TRPM3: variants seen among roughly 807,000 people sequenced by gnomAD.
TRPM3 encodes the protein transient receptor potential cation channel subfamily M member 3.
TRPM3 carries 77 observed loss-of-function variants against 181.2 expected under a neutral mutation model. That is an observed-to-expected ratio of 0.42 (90% CI 0.35 to 0.51). TRPM3 has a LOEUF of 0.51. TRPM3 is among the 20% of genes least tolerant of loss of function. TRPM3 has a pLI of 0.01. For missense variants in TRPM3, 1,759 were observed against 2,196.7 expected (o/e 0.80, Z 3.98); for synonymous variants, 745 against 796.4 (o/e 0.94, Z 1.09).
intron 3 of TRPM3, among the ~76,000 whole-genome samples, chr9:70,860,329 T>C (rs895481603): frequency 1.3e-5 from 2 of 152,168 alleles, no homozygotes; most frequent in Middle Eastern, 3.2e-3. Flanking sequence ...ATCATGCATC[T>C]TAATCGCAAA....
chr9:71,368,677 G>C (rs1240905560), intron 1 of TRPM3, among the ~76,000 whole-genome samples: 1 of 152,172 alleles, frequency 6.6e-6, no homozygotes, highest in Admixed American at 6.5e-5. Context: ...AGTCTGAAAT[G>C]TTTGCTTTAA....
At chr9:71,124,408 A>G (rs1388507743), upstream of TRPM3, among the ~76,000 whole-genome samples, 2 of 152,132 alleles carry the variant, frequency 1.3e-5, no homozygotes, top group Admixed American at 6.5e-5. Flanking sequence ...AGATGTCTAC[A>G]TATCTGCAGA....
intron 1 of TRPM3, among the ~76,000 whole-genome samples, chr9:71,271,364 CA>C (rs1033263613): frequency 1.3e-5 from 2 of 152,156 alleles, no homozygotes; most frequent in Admixed American, 6.5e-5. Context: ...TTGCCTTTTT[CA>C]TCAAGGTTTA....
At chr9:71,119,323 C>T (rs2073116040) in intron 1 of TRPM3, among the ~76,000 whole-genome samples, 2 of 152,070 alleles carry the variant, frequency 1.3e-5, no homozygotes, top group Non-Finnish European at 2.9e-5. Context: ...TATTACAAAG[C>T]ATCACTTTAA....
At chr9:71,079,006 T>C (rs1372583744) in intron 1 of TRPM3, among the ~76,000 whole-genome samples, 5 of 149,654 alleles carry the variant, frequency 3.3e-5, no homozygotes, top group African/African-American at 1.2e-4. Context: ...ACCAGTTGAA[T>C]AGAATGAGCA....
chr9:70,938,622 T>C (rs1374914277), intron 1 of TRPM3, among the ~76,000 whole-genome samples: 1 of 152,190 alleles, frequency 6.6e-6, no homozygotes, highest in Non-Finnish European at 1.5e-5. Flanking sequence ...TATGTCTCCC[T>C]TACCAAGGTG....
intron 1 of TRPM3, among the ~76,000 whole-genome samples, chr9:71,103,999 C>T (rs1654211443): frequency 6.6e-6 from 1 of 151,932 alleles, no homozygotes; most frequent in Non-Finnish European, 1.5e-5. Flanking sequence ...ACTGCAACGT[C>T]CACCTCCCTG....
intron 8 of TRPM3, among the ~76,000 whole-genome samples, chr9:70,691,307 G>A (rs2068472910): frequency 6.6e-6 from 1 of 152,126 alleles, no homozygotes; most frequent in Non-Finnish European, 1.5e-5. Flanking sequence ...AGACTTTCAT[G>A]TATGAATTTA....
At chr9:71,097,745 A>C (rs75896086) in intron 1 of TRPM3, among the ~76,000 whole-genome samples, 238 of 152,284 alleles carry the variant, frequency 1.6e-3, no homozygotes, top group African/African-American at 5.4e-3. Flanking sequence ...TCAACATCCT[A>C]GGTGACAAAA....
intron 18 of TRPM3, among the ~76,000 whole-genome samples, chr9:70,613,513 A>G (rs2062289855): frequency 6.6e-6 from 1 of 152,226 alleles, no homozygotes. Flanking sequence ...AGTGCCAATG[A>G]GCTGCACTCT....
intron 1 of TRPM3, among the ~76,000 whole-genome samples, chr9:71,028,657 A>ATC (rs2056897031): frequency 6.6e-6 from 1 of 152,164 alleles, no homozygotes; most frequent in Non-Finnish European, 1.5e-5. Context: ...AGGAATTACA[A>ATC]TCCTTACTTC....
chr9:70,626,642 T>C (rs1426691150), intron 12 of TRPM3, among the ~76,000 whole-genome samples: 1 of 152,210 alleles, frequency 6.6e-6, no homozygotes, highest in Non-Finnish European at 1.5e-5. Flanking sequence ...GTGATTCTGA[T>C]GCACACTCAA....
At chr9:70,840,614 C>G (rs1358748512) in intron 5 of TRPM3, among the ~76,000 whole-genome samples, 2 of 150,170 alleles carry the variant, frequency 1.3e-5, no homozygotes, top group African/African-American at 2.5e-5. Context: ...TGGGAAGAAA[C>G]AAAAGAAGAA....
chr9:71,197,151 G>C (rs2078435770), intron 1 of TRPM3, among the ~76,000 whole-genome samples: 1 of 152,120 alleles, frequency 6.6e-6, no homozygotes, highest in Non-Finnish European at 1.5e-5. Flanking sequence ...ATAGTTTACG[G>C]AGAAGGATGA....
chr9:71,314,321 C>T (rs1193759163), intron 1 of TRPM3, among the ~76,000 whole-genome samples: 3 of 152,098 alleles, frequency 2.0e-5, no homozygotes, highest in Admixed American at 1.3e-4. Flanking sequence ...TTTTATCAAA[C>T]TTATTTTCCA....
intron 1 of TRPM3, among the ~76,000 whole-genome samples, chr9:71,180,069 T>C (rs1386063454): frequency 6.7e-6 from 1 of 149,976 alleles, no homozygotes. Context: ...TTTTTTTTTT[T>C]TTGAGACAGA....
At chr9:71,264,324 A>T (rs909303797) in intron 1 of TRPM3, among the ~76,000 whole-genome samples, 1 of 152,092 alleles carries the variant, frequency 6.6e-6, no homozygotes, top group Non-Finnish European at 1.5e-5. Flanking sequence ...AGCAGATCGC[A>T]CCTCCCCTCC....
intron 1 of TRPM3, among the ~76,000 whole-genome samples, chr9:71,206,761 C>T (rs1401594516): frequency 1.3e-5 from 2 of 151,888 alleles, no homozygotes; most frequent in Non-Finnish European, 2.9e-5. Flanking sequence ...TTAATTTTTG[C>T]ATAAGGAGTA....
At chr9:70,811,859 A>G (rs2092100321) in intron 6 of TRPM3, among the ~76,000 whole-genome samples, 1 of 152,152 alleles carries the variant, frequency 6.6e-6, no homozygotes, top group Non-Finnish European at 1.5e-5. Context: ...CAACATGCAT[A>G]ATATTATTAA....
Sources: allele counts gnomAD v4.1 joint callset (sites outside exome capture counted in the v4.1 genomes callset), GRCh38; gene constraint gnomAD v4.1.1; transcripts MANE v1.5; gene names NCBI Gene and HGNC (gene_info 2026-07-23, HGNC 2026-07-21).